Variants in TCF4 observed in about 807,000 individuals in gnomAD.
TCF4 encodes SL3-3 enhancer factor 2.
In TCF4, 3 loss-of-function variants were observed where a neutral mutation model predicts 82.1. The ratio of observed to expected loss-of-function variants is 0.04; its 90% CI spans 0.02 to 0.09. The LOEUF (loss-of-function observed/expected upper bound fraction) is 0.09, where lower values mean the gene tolerates loss of function less well. Among genes scored for constraint, TCF4 ranks in the 10% least tolerant of loss-of-function variants. The probability of loss-of-function intolerance (pLI) is 1.00; values close to 1 mark genes in which losing one functional copy is unlikely to be tolerated. For synonymous variants in TCF4, 276 were observed against 309.6 expected, an observed-to-expected ratio of 0.89 and a Z score of 1.14; for missense variants, 518 against 852.7, an observed-to-expected ratio of 0.61 and a Z score of 4.89.
chr18:55,384,255 A>G (rs990017164), intron 6 of TCF4: 4 of 152,278 alleles, frequency 2.6e-5, no homozygotes, highest in African/African-American at 9.6e-5. Context: ...CCCTCTGACA[A>G]CAGACAGCTG....
intron 9 of TCF4, 129 bp from the exon 10 acceptor site, chr18:55,275,881 A>G (rs768783470): frequency 8.7e-7 from 1 of 1,150,142 alleles, no homozygotes; most frequent in East Asian, 2.4e-5. Context: ...AGCTGATTAC[A>G]TCAGAAGACA....
intron 13 of TCF4, among the ~76,000 whole-genome samples, chr18:55,259,079 C>T (rs189962282): frequency 6.6e-6 from 1 of 152,276 alleles, no homozygotes; most frequent in African/African-American, 2.4e-5. Flanking sequence ...ACCTCCTGTC[C>T]TCGACCAAGG....
intron 2 of TCF4, among the ~76,000 whole-genome samples, chr18:55,621,964 T>G (rs1344261146): frequency 7.9e-6 from 1 of 127,016 alleles, no homozygotes; most frequent in Non-Finnish European, 1.6e-5. Context: ...ATATATACAC[T>G]ATATATTATA....
At chr18:55,405,490 A>AG (rs1159320563) in intron 5 of TCF4, among the ~76,000 whole-genome samples, 1 of 152,174 alleles carries the variant, frequency 6.6e-6, no homozygotes, top group Admixed American at 6.5e-5. Context: ...AGGAAGAAAA[A>AG]GCATCTATTT....
intron 3 of TCF4, among the ~76,000 whole-genome samples, chr18:55,465,619 C>G (rs1386863481): frequency 6.6e-6 from 1 of 152,088 alleles, no homozygotes. Flanking sequence ...GTTTAACAAT[C>G]CAACATGCTG....
chr18:55,492,881 T>G (rs1252166920), intron 3 of TCF4, among the ~76,000 whole-genome samples: 2 of 152,164 alleles, frequency 1.3e-5, no homozygotes, highest in Admixed American at 1.3e-4. Context: ...CTATACTCAC[T>G]GGTCACCACT....
At chr18:55,265,951 TA>T (rs1430100567) in intron 11 of TCF4, 1 of 152,178 alleles carries the variant, frequency 6.6e-6, no homozygotes, top group Non-Finnish European at 1.5e-5. Flanking sequence ...TAAAGACTAA[TA>T]AAACAATAAT....
intron 3 of TCF4, chr18:55,496,526 A>G (rs2145921586): frequency 6.6e-6 from 1 of 152,280 alleles, no homozygotes; most frequent in Middle Eastern, 3.4e-3. Context: ...ATCTTCAACC[A>G]TAACAAATGT....
chr18:55,439,232 T>C (rs546177751), intron 5 of TCF4, among the ~76,000 whole-genome samples: 5 of 152,134 alleles, frequency 3.3e-5, no homozygotes, highest in Non-Finnish European at 5.9e-5. Flanking sequence ...ACAAGGAGTT[T>C]TGTTTGCAGC....
chr18:55,297,300 A>T (rs1184006849), intron 8 of TCF4, among the ~76,000 whole-genome samples: 1 of 147,694 alleles, frequency 6.8e-6, no homozygotes, highest in African/African-American at 2.5e-5. Flanking sequence ...AACAGAGCGC[A>T]TAGAGTCTGA....
chr18:55,273,339 C>T (rs2060786005), intron 10 of TCF4, among the ~76,000 whole-genome samples: 1 of 152,178 alleles, frequency 6.6e-6, no homozygotes, highest in Middle Eastern at 3.4e-3. Flanking sequence ...AAATTATACC[C>T]CAAATAATCC....
At chr18:55,312,709 A>C (rs968619324) in intron 8 of TCF4, among the ~76,000 whole-genome samples, 6 of 152,186 alleles carry the variant, frequency 3.9e-5, no homozygotes, top group Non-Finnish European at 7.4e-5. Context: ...AAACGCTTTT[A>C]ACAATCATGC....
At chr18:55,544,180 T>C (rs1169845731) in intron 3 of TCF4, among the ~76,000 whole-genome samples, 1 of 152,228 alleles carries the variant, frequency 6.6e-6, no homozygotes, top group Non-Finnish European at 1.5e-5. Context: ...AGTCATTAGC[T>C]AGCTGGATTA....
intron 8 of TCF4, among the ~76,000 whole-genome samples, chr18:55,298,033 T>G (rs576626969): frequency 3.3e-5 from 5 of 152,310 alleles, no homozygotes; most frequent in African/African-American, 9.6e-5. Context: ...AGTCTTTTTT[T>G]TAAAGGTGCT....
chr18:55,570,868 G>A lies in TCF4; in HGVS notation c.145+14412C>T, dbSNP rs187897830. ...CTGCCCTCCAAGCCTGAGCAACAGAGTGAGATGTGAGACCCTGCCTCAAAA... is the reference window on the plus strand; with the variant it reads ...CTGCCCTCCAAGCCTGAGCAACAGAATGAGATGTGAGACCCTGCCTCAAAA... On this transcript the variant is annotated intron_variant, in intron 3 of 19. Transcript: ENST00000354452. Among the ~76,000 whole-genome samples the A allele has an allele frequency of 4.1e-5, 6 of 145,646 alleles. No individual in the cohort carries two copies. In the East Asian group the frequency reaches 1.3e-3, roughly 31 times the overall value.
intron 6 of TCF4, chr18:55,383,754 C>G (rs2092289819): frequency 1.3e-5 from 2 of 152,228 alleles, no homozygotes; most frequent in South Asian, 4.1e-4. Context: ...AGGGCAGTGT[C>G]AGGCCTGGCG....
intron 6 of TCF4, among the ~76,000 whole-genome samples, chr18:55,380,952 C>T (rs2091808320): frequency 1.3e-5 from 2 of 152,164 alleles, no homozygotes; most frequent in Non-Finnish European, 2.9e-5. Flanking sequence ...ACTTTCCAAT[C>T]ATCTTGCCCT....
intron 6 of TCF4, among the ~76,000 whole-genome samples, chr18:55,381,928 A>C (rs2091976527): frequency 6.6e-6 from 1 of 151,726 alleles, no homozygotes; most frequent in Non-Finnish European, 1.5e-5. Context: ...TTTTTTTTAA[A>C]AAAGGAAATT....
At chr18:55,574,444 C>T (rs2097507826) in intron 3 of TCF4, among the ~76,000 whole-genome samples, 1 of 152,194 alleles carries the variant, frequency 6.6e-6, no homozygotes, top group Admixed American at 6.5e-5. Flanking sequence ...CCTGCCTCAG[C>T]CTCCCGAGTA....
Sources: allele counts gnomAD v4.1 joint callset (sites outside exome capture counted in the v4.1 genomes callset), GRCh38; gene constraint gnomAD v4.1.1; transcripts MANE v1.5; gene names NCBI Gene and HGNC (gene_info 2026-07-23, HGNC 2026-07-21).